Variants in SHTN1 observed in about 807,000 individuals in gnomAD.
The protein encoded by SHTN1 is shootin-1.
SHTN1 carries 42 observed loss-of-function variants against 83.1 expected under a neutral mutation model. The ratio of observed to expected loss-of-function variants is 0.51; its 90% CI spans 0.39 to 0.65. The LOEUF is 0.65. Among genes scored for constraint, SHTN1 ranks in the 30% least tolerant of loss-of-function variants. SHTN1 has a pLI of 0.00. For missense variants in SHTN1, 622 were observed against 737.8 expected, an observed-to-expected ratio of 0.84 and a Z score of 1.82; for synonymous variants, 224 against 247.7, an observed-to-expected ratio of 0.90 and a Z score of 0.90.
At chr10:116,921,775 A>G (rs1292659158) in intron 11 of SHTN1, among the ~76,000 whole-genome samples, 1 of 152,204 alleles carries the variant, frequency 6.6e-6, no homozygotes, top group African/African-American at 2.4e-5. Flanking sequence ...TTACAAAGGA[A>G]AAGAGACAAA....
rs746481703 is a variant in SHTN1 at position 117,015,435 on chromosome 10, G to A, written c.-123+33010C>T. 5.3e-5 allele frequency among the ~76,000 whole-genome samples: 8 copies of A among 152,142 alleles called. No individual in the cohort carries two copies. In the East Asian group the frequency reaches 5.8e-4, roughly 11 times the overall value. ...CAACCTGTGCCTCCCAGGTTCAAGC[G>A]ATTCTCCTGCTTCAGCCTCCTGAGT... On this transcript the variant is annotated intron_variant, in intron 2 of 17. Coordinates refer to the SHTN1 transcript ENST00000392901.
chr10:117,103,522 T>TCC (rs1383032743), intron 1 of SHTN1, among the ~76,000 whole-genome samples: 2 of 109,624 alleles, frequency 1.8e-5, no homozygotes, highest in African/African-American at 7.0e-5. Flanking sequence ...TCCCCTCCCC[T>TCC]CCCCTCTCTT....
intron 7 of SHTN1, among the ~76,000 whole-genome samples, chr10:116,945,308 C>T (rs1398571791): frequency 6.6e-6 from 1 of 152,148 alleles, no homozygotes; most frequent in Non-Finnish European, 1.5e-5. Context: ...ATGCTCTCTA[C>T]CTCATTGCTG....
At chr10:117,012,276 A>AAAAAC (rs748960126) in intron 2 of SHTN1, among the ~76,000 whole-genome samples, 7 of 152,288 alleles carry the variant, frequency 4.6e-5, no homozygotes, top group Non-Finnish European at 1.0e-4. Flanking sequence ...TGGAAAGGCA[A>AAAAAC]AAAACAAAAC....
At chr10:116,887,155 G>C (rs1847191506) in intron 16 of SHTN1, among the ~76,000 whole-genome samples, 1 of 152,206 alleles carries the variant, frequency 6.6e-6, no homozygotes, top group African/African-American at 2.4e-5. Flanking sequence ...AGCCAGAGTA[G>C]AAGCTAAAAT....
chr10:116,901,500 A>C, intron 16 of SHTN1: 1 of 985,186 alleles, frequency 1.0e-6, no homozygotes, highest in Non-Finnish European at 1.2e-6. Flanking sequence ...TATCATCCAG[A>C]TCAATTATTT....
At chr10:117,083,027 CCATTTA>C (rs1246494229) in intron 1 of SHTN1, among the ~76,000 whole-genome samples, 4 of 150,080 alleles carry the variant, frequency 2.7e-5, no homozygotes, top group African/African-American at 9.7e-5. Flanking sequence ...AGCATTTAGT[CCATTTA>C]CATTTAAAGT....
chr10:117,101,331 A>G (rs1853589468), intron 1 of SHTN1, among the ~76,000 whole-genome samples: 1 of 152,186 alleles, frequency 6.6e-6, no homozygotes. Context: ...TCTAGTGTGA[A>G]GACTTAAAAT....
rs137918136 is a variant in SHTN1 at position 117,091,480 on chromosome 10, G to C, written c.-189+34827C>G. On this transcript the variant is annotated intron_variant, in intron 1 of 17. Coordinates refer to the SHTN1 transcript ENST00000392901. Reference sequence around the variant, plus strand: ...CCTTTCCTTTCAGAACAGAAGCTAAGCAAATTAAAGAAGAACTGGTATTCC... The same window carrying C: ...CCTTTCCTTTCAGAACAGAAGCTAACCAAATTAAAGAAGAACTGGTATTCC... Among the ~76,000 whole-genome samples the C allele has an allele frequency of 6.6e-5, 10 of 152,246 alleles. No homozygotes were observed. In the East Asian group the frequency reaches 1.9e-3, roughly 29 times the overall value.
At chr10:117,033,303 A>C (rs1852447854) in intron 2 of SHTN1, among the ~76,000 whole-genome samples, 1 of 152,176 alleles carries the variant, frequency 6.6e-6, no homozygotes, top group Admixed American at 6.6e-5. Context: ...CTAAGAAAAA[A>C]TGAGAGAAGA....
At chr10:116,917,395 C>G (rs1399506378) in intron 12 of SHTN1, among the ~76,000 whole-genome samples, 2 of 152,154 alleles carry the variant, frequency 1.3e-5, no homozygotes, top group Non-Finnish European at 2.9e-5. Context: ...ACCTCCACCT[C>G]CCGGGTTCAA....
intron 1 of SHTN1, among the ~76,000 whole-genome samples, chr10:117,118,363 C>CAAAAAAAAAAAAAAA (rs57432703): frequency 8.4e-6 from 1 of 118,456 alleles, no homozygotes; most frequent in African/African-American, 3.3e-5. Context: ...TAATCCATTT[C>CAAAAAAAAAAAAAAA]AAAAAAAAAA....
chr10:117,033,676 A>G (rs1160644952), intron 2 of SHTN1, among the ~76,000 whole-genome samples: 3 of 152,116 alleles, frequency 2.0e-5, no homozygotes, highest in Admixed American at 1.3e-4. Context: ...AAATCATTCT[A>G]TGAGGGCAGT....
In SHTN1 at chr10:117,040,806, G is replaced by T. The variant is rs146676725; in HGVS notation, c.-123+7639C>A. On this transcript the variant is annotated intron_variant, in intron 2 of 17. Coordinates refer to the SHTN1 transcript ENST00000392901. ...ACAATGTTTAAAAAAATTTTTTTTT[G>T]GATTTTGTCACTTTTTTATTGAAAT... Among the ~76,000 whole-genome samples, 43 of 151,552 alleles carry T rather than the reference G, an allele frequency of 2.8e-4. 1 individual carries two copies. The highest frequency in any genetic ancestry group is 1.0e-3 in the African/African-American group (42 of 41,372).
At chr10:117,099,199 CAG>C (rs1490730936) in intron 1 of SHTN1, among the ~76,000 whole-genome samples, 2 of 151,880 alleles carry the variant, frequency 1.3e-5, no homozygotes, top group Non-Finnish European at 2.9e-5. Flanking sequence ...CAAAAACATG[CAG>C]AGTGATATAA....
chr10:116,974,151 A>T, intron 2 of SHTN1: 2 of 1,043,928 alleles, frequency 1.9e-6, no homozygotes, highest in South Asian at 3.3e-5. Context: ...GCATTCTCCA[A>T]ATTCTAGGTA....
chr10:116,984,196 C>T (rs954036855), intron 1 of SHTN1, among the ~76,000 whole-genome samples: 10 of 152,308 alleles, frequency 6.6e-5, no homozygotes, highest in African/African-American at 2.2e-4. Context: ...ACCAGTATTT[C>T]CAACCAATAC....
At chr10:117,058,688 G>A (rs1403822762) in intron 1 of SHTN1, among the ~76,000 whole-genome samples, 1 of 152,158 alleles carries the variant, frequency 6.6e-6, no homozygotes, top group Non-Finnish European at 1.5e-5. Flanking sequence ...GCAGGGTCTT[G>A]AAGGGATATT....
intron 1 of SHTN1, among the ~76,000 whole-genome samples, chr10:117,096,764 G>A (rs1440914707): frequency 6.6e-6 from 1 of 152,206 alleles, no homozygotes; most frequent in African/African-American, 2.4e-5. Context: ...TGTGTACAAA[G>A]ATGTTAATTG....
Sources: allele counts gnomAD v4.1 joint callset (sites outside exome capture counted in the v4.1 genomes callset), GRCh38; gene constraint gnomAD v4.1.1; transcripts MANE v1.5; gene names NCBI Gene and HGNC (gene_info 2026-07-23, HGNC 2026-07-21).